Variants in MGAT4C observed in about 807,000 individuals in gnomAD.
MGAT4C encodes the protein MGAT4 family member C, also known as alpha-1,3-mannosyl-glycoprotein 4-beta-N-acetylglucosaminyltransferase C.
Under a neutral mutation model 40.1 loss-of-function variants are expected in MGAT4C, and 19 were observed. The ratio of observed to expected loss-of-function variants is 0.47; its 90% CI spans 0.33 to 0.70. The LOEUF (loss-of-function observed/expected upper bound fraction) is 0.70. Among genes scored for constraint, MGAT4C ranks in the 30% least tolerant of loss-of-function variants. MGAT4C has a pLI of 0.02. For missense variants in MGAT4C, 491 were observed against 563.2 expected (o/e 0.87, Z 1.30); for synonymous variants, 181 against 187.1 (o/e 0.97, Z 0.27).
rs896303875 is a variant in MGAT4C, at chr12:86,695,865, C to T, written c.-229+31344G>A. 6.6e-5 allele frequency among the ~76,000 whole-genome samples: 10 copies of T among 151,872 alleles called. 1 individual carries two copies. The South Asian group carries it at 8.3e-4, about 13-fold the overall frequency. ...ATGAATAAAATCTAGTATTTGATAG[C>T]ACAACAGGGTGACTATCATCAATAA... On this transcript the variant is annotated intron_variant, in intron 2 of 7. Transcript: ENST00000548651.
intron 2 of MGAT4C, among the ~76,000 whole-genome samples, chr12:86,494,205 T>C (rs976459211): frequency 1.5e-4 from 23 of 152,032 alleles, no homozygotes; most frequent in African/African-American, 5.3e-4. Flanking sequence ...CTTGAATATG[T>C]CTTTGAAAGA....
At chr12:86,603,533 AGT>A (rs1961893409) in intron 2 of MGAT4C, among the ~76,000 whole-genome samples, 18 of 111,596 alleles carry the variant, frequency 1.6e-4, no homozygotes, top group South Asian at 4.9e-4. Flanking sequence ...GACTATATAT[AGT>A]CTATAGACTA....
intron 1 of MGAT4C, among the ~76,000 whole-genome samples, chr12:86,148,991 C>T (rs186881617): frequency 6.6e-6 from 1 of 152,156 alleles, no homozygotes; most frequent in East Asian, 1.9e-4. Context: ...AAGTTTAGCC[C>T]TGACATGATA....
Position 86,534,161 on chromosome 12 carries a change from G to T in MGAT4C, c.-228-98896C>A, listed in dbSNP as rs112063026. On this transcript the variant is annotated intron_variant, in intron 2 of 7. Coordinates refer to the MGAT4C transcript ENST00000548651. ...CAATTCACCAAGAGAGTTTGCCACC[G>T]TTTTAGGTCTGATAAGAACTCTGAA... 3.3e-3 allele frequency among the ~76,000 whole-genome samples: 509 copies of T among 152,068 alleles called. 1 individual carries two copies. Among genetic ancestry groups the T allele is most frequent in the African/African-American group, 0.012 (492 of 41,516 alleles).
At chr12:86,008,289 T>C (rs1002171573) in intron 2 of MGAT4C, among the ~76,000 whole-genome samples, 13 of 152,180 alleles carry the variant, frequency 8.5e-5, no homozygotes, top group Admixed American at 6.5e-4. Context: ...TTTCTCAACA[T>C]GGTATTTATT....
At chr12:86,774,269 T>A (rs1163571081) in intron 1 of MGAT4C, among the ~76,000 whole-genome samples, 1 of 129,280 alleles carries the variant, frequency 7.7e-6, no homozygotes, top group African/African-American at 2.8e-5. Context: ...AAAAAGTAAC[T>A]TCTAAGGCTT....
rs1437487761 is a variant in MGAT4C at position 86,512,540 on chromosome 12, TGATGTATAAACG to T, written c.-228-77287_-228-77276del. On this transcript the variant is annotated intron_variant, in intron 2 of 7. Transcript: ENST00000548651. Reference sequence around the variant, plus strand: ...AGTATGGAAATTTTTAATTGTCCATTGATGTATAAACGGACAAAGCAAATGTGATATACATAC... The same window carrying T: ...AGTATGGAAATTTTTAATTGTCCATTGACAAAGCAAATGTGATATACATAC... Among the ~76,000 whole-genome samples the T allele has an allele frequency of 1.8e-3, 279 of 152,236 alleles. 1 individual carries two copies. Among genetic ancestry groups the T allele is most frequent in the Admixed American group, 2.7e-3 (41 of 15,278 alleles).
intron 1 of MGAT4C, among the ~76,000 whole-genome samples, chr12:86,082,609 G>C (rs1246322594): frequency 2.0e-5 from 3 of 152,072 alleles, no homozygotes; most frequent in Non-Finnish European, 1.5e-5. Context: ...ATGGCATATT[G>C]TAAGTTTCAG....
intron 3 of MGAT4C, among the ~76,000 whole-genome samples, chr12:86,389,110 AG>A (rs1565725519): frequency 6.6e-6 from 1 of 152,184 alleles, no homozygotes; most frequent in Non-Finnish European, 1.5e-5. Context: ...AACTTGTCAC[AG>A]GGGTTTGTTG....
At chr12:86,652,942 A>C (rs1457821632) in intron 2 of MGAT4C, among the ~76,000 whole-genome samples, 4 of 151,986 alleles carry the variant, frequency 2.6e-5, no homozygotes, top group African/African-American at 9.7e-5. Context: ...AAAGATAATC[A>C]TACCAAAATT....
At chr12:86,601,041 C>T (rs1399272091) in intron 2 of MGAT4C, among the ~76,000 whole-genome samples, 1 of 152,240 alleles carries the variant, frequency 6.6e-6, no homozygotes, top group Non-Finnish European at 1.5e-5. Flanking sequence ...GCTGTCTCGG[C>T]CCCCTCCAGA....
chr12:86,532,151 G>A (rs940841238), intron 2 of MGAT4C, among the ~76,000 whole-genome samples: 16 of 151,942 alleles, frequency 1.1e-4, no homozygotes, highest in Non-Finnish European at 2.2e-4. Context: ...GACGTTAAGT[G>A]GGACAATAAG....
chr12:86,326,976 C>T (rs1958996151), intron 4 of MGAT4C, among the ~76,000 whole-genome samples: 1 of 152,074 alleles, frequency 6.6e-6, no homozygotes, highest in African/African-American at 2.4e-5. Context: ...CTTCAAATAG[C>T]AGGACACTTG....
rs553756675 is a variant in MGAT4C at position 86,818,530 on chromosome 12, C to G, written c.-262+20136G>C. On this transcript the variant is annotated intron_variant, in intron 1 of 7. Coordinates refer to the MGAT4C transcript ENST00000548651. ...ACAGAATTAGACAAAGTGGAGAGAG[C>G]TGACTTTAAATAGGTAATTAAGGTG... Among the ~76,000 whole-genome samples, 41 of 151,054 alleles carry G rather than the reference C, an allele frequency of 2.7e-4. No homozygotes were observed. The South Asian group carries it at 8.3e-3, about 31-fold the overall frequency.
In MGAT4C at chr12:86,086,364, A is replaced by C. The variant is rs566536283; in HGVS notation, c.-56-36641T>G. 5.3e-5 allele frequency among the ~76,000 whole-genome samples: 8 copies of C among 152,148 alleles called. No individual in the cohort carries two copies. In the East Asian group the frequency reaches 1.6e-3, roughly 29 times the overall value. On this transcript the variant is annotated intron_variant, in intron 1 of 4. Coordinates refer to ENST00000611864, the MANE Select transcript of MGAT4C (RefSeq NM_001351288.2). ...AGAACATATGGGCACAGGGAGAGGA[A>C]CATCACACACCGGGGCCTTTTGCGG...
rs377638010 is a variant in MGAT4C at position 86,743,569 on chromosome 12, A to G, written c.-261-16328T>C. ...GGTCCCTAAAGTTTCTGCTTTGCTA[A>G]TTAGCCGGATAGTATGAAATAAAGA... On this transcript the variant is annotated intron_variant, in intron 1 of 7. Coordinates refer to the MGAT4C transcript ENST00000548651. Among the ~76,000 whole-genome samples the G allele has an allele frequency of 7.9e-5, 12 of 151,650 alleles. No individual in the cohort carries two copies. In the East Asian group the frequency reaches 1.2e-3, roughly 15 times the overall value.
At chr12:86,419,934 A>G (rs1042616506) in intron 3 of MGAT4C, among the ~76,000 whole-genome samples, 2 of 152,184 alleles carry the variant, frequency 1.3e-5, no homozygotes, top group Non-Finnish European at 2.9e-5. Context: ...AAACAGAGAT[A>G]GGAAAAAACA....
At chr12:86,415,828 A>C (rs10776971) in intron 3 of MGAT4C, among the ~76,000 whole-genome samples, 95,161 of 151,792 alleles carry the variant, frequency 0.63, 30,768 homozygotes, top group South Asian at 0.77. Context: ...TACAAAACCT[A>C]TTTTAATTTG....
At chr12:86,526,468 T>C (rs1183139809) in intron 2 of MGAT4C, among the ~76,000 whole-genome samples, 1 of 152,098 alleles carries the variant, frequency 6.6e-6, no homozygotes, top group Non-Finnish European at 1.5e-5. Context: ...AGCTGGTGTG[T>C]GGCCATGAGG....
Sources: gnomAD v4.1 joint callset for allele counts (sites outside exome capture counted in the v4.1 genomes callset) on GRCh38, gnomAD v4.1.1 for gene constraint, MANE v1.5 for transcripts, NCBI Gene and HGNC (gene_info 2026-07-23, HGNC 2026-07-21) for gene names.